CSMD1: variants seen among roughly 807,000 people sequenced by gnomAD.
CSMD1 encodes the protein CUB and sushi domain-containing protein 1.
CSMD1 carries 213 observed loss-of-function variants against 417.5 expected under a neutral mutation model. The observed-to-expected ratio is 0.51, with a 90% CI of 0.46 to 0.57. The LOEUF (loss-of-function observed/expected upper bound fraction) is 0.57. Ranked by LOEUF, CSMD1 falls within the 20% of genes least tolerant of loss-of-function variation. The probability of loss-of-function intolerance (pLI) is 0.00; values close to 1 mark genes in which losing one functional copy is unlikely to be tolerated. For synonymous variants in CSMD1, 2,862 were observed against 1,736.8 expected (o/e 1.65, Z -16.11); for missense variants, 6,923 against 4,529.7 (o/e 1.53, Z -15.17).
chr8:4,349,857 C>G (rs1373578328), intron 3 of CSMD1, among the ~76,000 whole-genome samples: 2 of 138,668 alleles, frequency 1.4e-5, no homozygotes, highest in Admixed American at 1.5e-4. Context: ...TACTTTTTAA[C>G]TATGTAATGT....
intron 10 of CSMD1, among the ~76,000 whole-genome samples, chr8:3,567,013 A>G (rs1000298317): frequency 1.3e-5 from 2 of 152,248 alleles, no homozygotes; most frequent in African/African-American, 2.4e-5. Flanking sequence ...TAGAAAATAC[A>G]TGGAGTCAAC....
chr8:3,464,940 T>G (rs1004334140), intron 12 of CSMD1, among the ~76,000 whole-genome samples: 9 of 152,186 alleles, frequency 5.9e-5, no homozygotes, highest in Non-Finnish European at 1.0e-4. Flanking sequence ...CCCCATAATT[T>G]GCTTAGGGGA....
intron 2 of CSMD1, among the ~76,000 whole-genome samples, chr8:4,438,364 C>G (rs1309471000): frequency 6.6e-6 from 1 of 152,196 alleles, no homozygotes; most frequent in African/African-American, 2.4e-5. Context: ...TCACCCCTTT[C>G]TCACTGGAGC....
At chr8:4,329,403 C>T (rs113255330) in intron 3 of CSMD1, among the ~76,000 whole-genome samples, 7,272 of 152,136 alleles carry the variant, frequency 0.048, 201 homozygotes, top group Middle Eastern at 0.13. Flanking sequence ...ATTCTCCCAC[C>T]GCAGCCTCCC....
At chr8:4,778,669 T>C (rs1796997518) in intron 1 of CSMD1, among the ~76,000 whole-genome samples, 1 of 152,206 alleles carries the variant, frequency 6.6e-6, no homozygotes, top group Admixed American at 6.5e-5. Context: ...CTGAGTCAAA[T>C]ACACCTGAGT....
At chr8:3,637,386 G>T (rs183284199) in intron 7 of CSMD1, among the ~76,000 whole-genome samples, 15 of 152,210 alleles carry the variant, frequency 9.9e-5, no homozygotes, top group Non-Finnish European at 1.5e-4. Context: ...GAATTCAAAT[G>T]TCTAACCACC....
At chr8:4,344,302 A>G (rs1800652863) in intron 3 of CSMD1, among the ~76,000 whole-genome samples, 2 of 152,128 alleles carry the variant, frequency 1.3e-5, no homozygotes, top group Admixed American at 6.6e-5. Context: ...TAGTTTAACA[A>G]AACATTTCAG....
chr8:3,946,604 G>C (rs1329473972), intron 5 of CSMD1, among the ~76,000 whole-genome samples: 6 of 152,080 alleles, frequency 3.9e-5, no homozygotes, highest in African/African-American at 7.2e-5. Flanking sequence ...TTGGGCTCTT[G>C]ACTGGAATTG....
At chr8:3,380,108 C>A (rs925427243) in intron 18 of CSMD1, among the ~76,000 whole-genome samples, 1 of 152,128 alleles carries the variant, frequency 6.6e-6, no homozygotes, top group African/African-American at 2.4e-5. Context: ...CTAAAGAAGA[C>A]ATTTATGCAG....
chr8:2,938,723 G>A lies in CSMD1; in HGVS notation c.10557C>T (p.Tyr3519=). 6.2e-7 allele frequency: 1 copy of A among 1,610,092 alleles called. No homozygotes were observed. ...YKHRTRPKVQ[Y]NGYAGHENSN... is the part of the protein sequence containing the mutation. ...TGTTTTCATGCCCAGCATAGCCATT[G>A]TATTGAACTTTTGGTCTCGTTCTAA... The change falls in exon 70 of 70, where the codon TAC becomes TAT. Residue 3519 remains tyrosine (Y), a synonymous_variant. Coordinates refer to ENST00000635120, the MANE Select transcript of CSMD1 (RefSeq NM_033225.6).
intron 1 of CSMD1, among the ~76,000 whole-genome samples, chr8:4,880,808 A>C (rs972651443): frequency 1.3e-5 from 2 of 152,106 alleles, no homozygotes; most frequent in Non-Finnish European, 2.9e-5. Context: ...ACTCAGAAAA[A>C]GTTTTCACTT....
chr8:3,999,758 G>GA (rs1036298213), intron 4 of CSMD1, among the ~76,000 whole-genome samples: 1 of 152,130 alleles, frequency 6.6e-6, no homozygotes, highest in African/African-American at 2.4e-5. Flanking sequence ...ACACTTGGAG[G>GA]AAAATTACTA....
intron 3 of CSMD1, among the ~76,000 whole-genome samples, chr8:4,314,098 T>C (rs1186868136): frequency 6.6e-6 from 1 of 151,890 alleles, no homozygotes; most frequent in African/African-American, 2.4e-5. Context: ...AGATGGGGGA[T>C]TCAACACTGA....
chr8:3,210,130 C>A (rs1323384437), intron 30 of CSMD1, among the ~76,000 whole-genome samples: 2 of 152,168 alleles, frequency 1.3e-5, no homozygotes, highest in Non-Finnish European at 1.5e-5. Flanking sequence ...GAGCAAAAGG[C>A]CCCGAGGTTA....
At chr8:3,348,267 T>G (rs377267505) in intron 21 of CSMD1, 106 bp from the exon 22 acceptor site, 5 of 787,362 alleles carry the variant, frequency 6.4e-6, no homozygotes, top group Admixed American at 3.2e-5. Flanking sequence ...TATCAACGTA[T>G]GTGTGTTAGT....
chr8:3,494,027 T>A (rs1478705363), intron 10 of CSMD1, among the ~76,000 whole-genome samples: 2 of 152,216 alleles, frequency 1.3e-5, no homozygotes, highest in East Asian at 3.8e-4. Context: ...TACTTTAACA[T>A]TCTCAGTGCT....
At chr8:4,296,979 T>A (rs1283103339) in intron 3 of CSMD1, among the ~76,000 whole-genome samples, 1 of 151,936 alleles carries the variant, frequency 6.6e-6, no homozygotes, top group African/African-American at 2.4e-5. Flanking sequence ...CAGATGACAA[T>A]AGTGCAAAGA....
chr8:3,816,592 G>A (rs1168026420), intron 5 of CSMD1, among the ~76,000 whole-genome samples: 1 of 152,246 alleles, frequency 6.6e-6, no homozygotes, highest in African/African-American at 2.4e-5. Context: ...TTAGTAGGGT[G>A]ACTGCAGTTC....
intron 1 of CSMD1, among the ~76,000 whole-genome samples, chr8:4,827,880 C>G (rs1189940796): frequency 6.6e-6 from 1 of 152,114 alleles, no homozygotes; most frequent in African/African-American, 2.4e-5. Flanking sequence ...TAATCTTTCT[C>G]GTCCTCAAGC....
Sources: allele counts gnomAD v4.1 joint callset (sites outside exome capture counted in the v4.1 genomes callset), GRCh38; gene constraint gnomAD v4.1.1; transcripts MANE v1.5; gene names NCBI Gene and HGNC (gene_info 2026-07-23, HGNC 2026-07-21).